NRXN1: variants seen among roughly 807,000 people sequenced by gnomAD.
The protein encoded by NRXN1 is neurexin-1.
A neutral mutation model predicts 150.9 loss-of-function variants in NRXN1; 39 were observed. The observed-to-expected ratio is 0.26, with a 90% CI of 0.20 to 0.34. The LOEUF (loss-of-function observed/expected upper bound fraction) is 0.34, where lower values mean the gene tolerates loss of function less well. Ranked by LOEUF, NRXN1 falls within the 10% of genes least tolerant of loss-of-function variation. The probability of loss-of-function intolerance (pLI) is 1.00; values close to 1 mark genes in which losing one functional copy is unlikely to be tolerated. For synonymous variants in NRXN1, 924 were observed against 757.0 expected, an observed-to-expected ratio of 1.22 and a Z score of -3.62; for missense variants, 1,815 against 1,949.9, an observed-to-expected ratio of 0.93 and a Z score of 1.30.
chr2:50,432,910 G>A (rs2085094465), intron 17 of NRXN1, among the ~76,000 whole-genome samples: 2 of 152,200 alleles, frequency 1.3e-5, no homozygotes, highest in African/African-American at 4.8e-5. Flanking sequence ...ATACAGTGAA[G>A]GCTTCCCATC....
intron 21 of NRXN1, among the ~76,000 whole-genome samples, chr2:49,949,514 C>T (rs554971321): frequency 2.0e-4 from 31 of 151,892 alleles, no homozygotes; most frequent in Admixed American, 1.2e-3. Context: ...CCAATGAAGA[C>T]GCTTACAGAA....
rs141482218 is a variant in NRXN1 at position 50,940,823 on chromosome 2, C to A, written c.773-14868G>T. Among the ~76,000 whole-genome samples, 761 of 152,122 alleles carry A rather than the reference C, an allele frequency of 5.0e-3. 7 individuals are homozygous for A. The highest frequency in any genetic ancestry group is 0.017 in the African/African-American group (726 of 41,500). On this transcript the variant is annotated intron_variant, in intron 2 of 22. Transcript: ENST00000401669. ...CAAAAGTAGCCAATTAACCAATAAC[C>A]CCTGTCCCCAAAAGGGCATCTGAAA...
At chr2:50,293,415 C>A (rs1263590876) in intron 17 of NRXN1, among the ~76,000 whole-genome samples, 1 of 152,178 alleles carries the variant, frequency 6.6e-6, no homozygotes, top group Non-Finnish European at 1.5e-5. Context: ...TCATGCTACC[C>A]TGTCCATGAT....
chr2:50,116,611 T>C (rs1523356), intron 18 of NRXN1, among the ~76,000 whole-genome samples: 3,028 of 152,114 alleles, frequency 0.02, 114 homozygotes, highest in African/African-American at 0.07. Context: ...GATCTGAACA[T>C]ATACAGATGT....
chr2:50,203,331 T>G (rs747805501), intron 18 of NRXN1, among the ~76,000 whole-genome samples: 20 of 152,178 alleles, frequency 1.3e-4, no homozygotes, highest in Non-Finnish European at 2.4e-4. Context: ...AAACCAACAG[T>G]CAAATGAGCT....
intron 17 of NRXN1, among the ~76,000 whole-genome samples, chr2:50,329,622 T>C (rs2076656895): frequency 2.7e-4 from 1 of 3,706 alleles, no homozygotes; most frequent in African/African-American, 9.3e-4. Flanking sequence ...TGTGTGTATA[T>C]ATATATATAT....
intron 7 of NRXN1, 130 bp downstream of exon 7, chr2:50,621,095 CA>C (rs1679933774): frequency 1.5e-6 from 1 of 685,590 alleles, no homozygotes; most frequent in Admixed American, 3.3e-5. Flanking sequence ...TCAAAGTAAG[CA>C]GAAGAGTACC....
chr2:50,226,998 C>T (rs751296498), intron 18 of NRXN1, among the ~76,000 whole-genome samples: 5 of 151,990 alleles, frequency 3.3e-5, no homozygotes, highest in Non-Finnish European at 5.9e-5. Context: ...CTAAAGTGCA[C>T]GAAATAGATA....
At chr2:50,620,001 T>A (rs199753235) in intron 8 of NRXN1, 21 bp downstream of exon 8, 152 of 1,548,966 alleles carry the variant, frequency 9.8e-5, no homozygotes, top group Non-Finnish European at 1.3e-4. Context: ...TAGGAATGAT[T>A]CTGATGGCAA....
At chr2:49,928,798 G>A (rs1669600437) in intron 22 of NRXN1, among the ~76,000 whole-genome samples, 1 of 152,098 alleles carries the variant, frequency 6.6e-6, no homozygotes, top group Non-Finnish European at 1.5e-5. Context: ...GACTCATGCG[G>A]TGGTTTTGTA....
chr2:50,642,480 C>T lies in NRXN1; in HGVS notation c.833-18865G>A, dbSNP rs1217567126. Among the ~76,000 whole-genome samples, 6 of 151,884 alleles carry T rather than the reference C, an allele frequency of 4.0e-5. No homozygotes were observed. In the South Asian group the frequency reaches 1.2e-3, roughly 32 times the overall value. ...GAGAAATAAAATTAATGAAATTTGACTCGATCTAAGGTGACATCATGAAGA... is the reference window on the plus strand; with the variant it reads ...GAGAAATAAAATTAATGAAATTTGATTCGATCTAAGGTGACATCATGAAGA... On this transcript the variant is annotated intron_variant, in intron 5 of 22. Coordinates refer to ENST00000401669, the MANE Select transcript of NRXN1 (RefSeq NM_001330078.2).
chr2:50,936,309 T>C (rs755131655), intron 2 of NRXN1, among the ~76,000 whole-genome samples: 2 of 152,158 alleles, frequency 1.3e-5, no homozygotes, highest in Non-Finnish European at 2.9e-5. Flanking sequence ...GAGATGCTTA[T>C]TAATATTTAT....
At chr2:50,137,309 C>A (rs17498895) in intron 18 of NRXN1, among the ~76,000 whole-genome samples, 3,733 of 152,212 alleles carry the variant, frequency 0.025, 62 homozygotes, top group South Asian at 0.052. Context: ...CAAGCGCATA[C>A]TCTTAGTTGG....
At chr2:50,449,944 T>C (rs114654699) in intron 17 of NRXN1, among the ~76,000 whole-genome samples, 5 of 152,312 alleles carry the variant, frequency 3.3e-5, no homozygotes, top group Non-Finnish European at 7.3e-5. Flanking sequence ...CTCTCAGATA[T>C]GTTAATCAAC....
intron 17 of NRXN1, among the ~76,000 whole-genome samples, chr2:50,318,569 G>A (rs1224798804): frequency 6.6e-6 from 1 of 151,942 alleles, no homozygotes; most frequent in Non-Finnish European, 1.5e-5. Flanking sequence ...ACAATATTGT[G>A]ATTTTTTTTC....
At position 50,765,157 on chromosome 2, in the gene NRXN1, C is replaced by T. The variant is rs191461396; in HGVS notation, c.833-141542G>A. ...TAACTTAACTACCTCACAGGATATTCGAAGCACAATACATAATGTGAAGGG... is the reference window on the plus strand; with the variant it reads ...TAACTTAACTACCTCACAGGATATTTGAAGCACAATACATAATGTGAAGGG... On this transcript the variant is annotated intron_variant, in intron 5 of 22. Transcript: ENST00000401669. Among the ~76,000 whole-genome samples the T allele has an allele frequency of 3.2e-3, 484 of 152,116 alleles. 3 individuals are homozygous for T. The highest frequency in any genetic ancestry group is 3.7e-3 in the Non-Finnish European group (251 of 67,968).
At chr2:50,612,324 T>C (rs1434505415) in intron 8 of NRXN1, among the ~76,000 whole-genome samples, 1 of 152,108 alleles carries the variant, frequency 6.6e-6, no homozygotes, top group African/African-American at 2.4e-5. Context: ...AATCATAATG[T>C]ATTCAAAAAA....
chr2:50,853,523 T>C (rs958761246), intron 5 of NRXN1, among the ~76,000 whole-genome samples: 20 of 152,124 alleles, frequency 1.3e-4, no homozygotes, highest in African/African-American at 4.8e-4. Context: ...GTCAGATGTC[T>C]TTTGTAGTAA....
At chr2:50,913,413 A>C (rs1248662223) in intron 5 of NRXN1, among the ~76,000 whole-genome samples, 1 of 151,772 alleles carries the variant, frequency 6.6e-6, no homozygotes, top group African/African-American at 2.4e-5. Flanking sequence ...CAGACTTTAT[A>C]ATGCCAAGTC....
Sources: allele counts gnomAD v4.1 joint callset (sites outside exome capture counted in the v4.1 genomes callset), GRCh38; gene constraint gnomAD v4.1.1; transcripts MANE v1.5; gene names NCBI Gene and HGNC (gene_info 2026-07-23, HGNC 2026-07-21).